Variants in C15orf39 observed in about 807,000 individuals in gnomAD.
C15orf39 encodes the protein PRMT2 interacting protein.
A neutral mutation model predicts 53.9 loss-of-function variants in C15orf39; 24 were observed. That is an observed-to-expected ratio of 0.45 (90% CI 0.32 to 0.63). The LOEUF is 0.63. Ranked by LOEUF, C15orf39 falls within the 20% of genes least tolerant of loss-of-function variation. C15orf39 has a pLI of 0.04. For missense variants in C15orf39, 1,271 were observed against 1,347.9 expected (o/e 0.94, Z 0.89); for synonymous variants, 569 against 576.5 (o/e 0.99, Z 0.19).
chr15:75,211,556 G>A lies in C15orf39; in HGVS notation c.*440G>A, dbSNP rs1317244865. 1.8e-5 allele frequency: 3 copies of A among 162,502 alleles called. No homozygotes were observed. The highest frequency in any genetic ancestry group is 2.4e-5 in the African/African-American group (1 of 41,838). 10.1% of individuals were successfully genotyped at this position (162,502 alleles called of 1,614,324 possible). A position where few individuals can be genotyped will look rare whatever the true frequency, so the allele number is the denominator to read the frequency against. On this transcript the variant is annotated 3_prime_UTR_variant, in exon 3 of 3. Coordinates refer to ENST00000394987, the MANE Select transcript of C15orf39 (RefSeq NM_015492.5). ...TGCTTCCTCTCTGGGACAGGGCCTA[G>A]AATTGGAGGCAGAGAACCTTCCTAT...
Position 75,208,436 on chromosome 15 carries a change from G to A in C15orf39, c.2388G>A (p.Thr796=), listed in dbSNP as rs200565142. 3,009 of 1,605,342 alleles carry A rather than the reference G, an allele frequency of 1.9e-3. 11 individuals carry two copies. Among genetic ancestry groups the A allele is most frequent in the Middle Eastern group, 5.3e-3 (32 of 6,054 alleles). Residue 796 remains threonine (T), a synonymous_variant, in exon 2 of 3, where the codon ACG becomes ACA. Coordinates refer to ENST00000394987, the MANE Select transcript of C15orf39 (RefSeq NM_015492.5). ...AGAAGCTTCGCGAGTGGCTAGAGAC[G>A]GCTGGGCCCTGGGGCCAGGCTGCGT... ...PPEKLREWLE[T]AGPWGQAAWQ... is the part of the protein sequence containing the mutation.
At position 75,201,995 on chromosome 15, in the gene C15orf39, C is replaced by G. The variant is rs1349429123; in HGVS notation, c.-115C>G. The G allele has an allele frequency of 6.6e-6, 1 of 152,108 alleles. No homozygotes were observed. Among genetic ancestry groups the G allele is most frequent in the Non-Finnish European group, 1.5e-5 (1 of 68,040 alleles). 9.4% of individuals were successfully genotyped at this position (152,108 alleles called of 1,614,324 possible). A position where few individuals can be genotyped will look rare whatever the true frequency, so the allele number is the denominator to read the frequency against. On this transcript the variant is annotated 5_prime_UTR_variant, in exon 1 of 3. Transcript: ENST00000394987. The surrounding 1 kb of genome is among the most constrained non-coding windows in gnomAD (Gnocchi z 4.7). ...GGACTAGGACCCGCGGCCTGAGAGA[C>G]GCTGGAGGATGCGGACGCGGAGGCC...
In C15orf39 at chr15:75,206,346, G is replaced by A. The variant is rs2070437970; in HGVS notation, c.298G>A (p.Gly100Ser). 6.2e-7 allele frequency: 1 copy of A among 1,614,100 alleles called. No homozygotes were observed. Among genetic ancestry groups the A allele is most frequent in the African/African-American group, 1.3e-5 (1 of 75,040 alleles). Residue 100 changes from glycine (G) to serine (S), a missense_variant, in exon 2 of 3, where the codon GGC becomes AGC. By Grantham distance (56) the Gly-to-Ser change is moderately conservative. Around this residue, in one of 2 missense-constraint regions of C15orf39, gnomAD observed 994 missense variants for 993.7 expected, o/e 1.00. Coordinates refer to ENST00000394987, the MANE Select transcript of C15orf39 (RefSeq NM_015492.5). ...CCTGTTCTACCGCTCGCCAGCAGAA[G>A]GCCCTGAGAAGATGCAGGACTCCAG... ...NCLFYRSPAE[G>S]PEKMQDSSPV...
In C15orf39 at chr15:75,207,423, G is replaced by A. The variant is rs754878057; in HGVS notation, c.1375G>A (p.Gly459Arg). The A allele has an allele frequency of 6.2e-7, 1 of 1,613,428 alleles. No individual in the cohort carries two copies. Among genetic ancestry groups the A allele is most frequent in the South Asian group, 1.1e-5 (1 of 91,074 alleles). ...KLQPRLSEHS[G>R]PPIVIRDSPV... ...CCAGCCCCGGCTCAGTGAGCACTCT[G>A]GGCCGCCCATCGTCATCCGAGACAG... The change falls in exon 2 of 3, where the codon GGG (glycine) becomes AGG (arginine). Residue 459 changes from glycine (G) to arginine (R), a missense_variant. Around this residue, in one of 2 missense-constraint regions of C15orf39, gnomAD observed 994 missense variants for 993.7 expected, o/e 1.00. Transcript: ENST00000394987.
upstream of C15orf39, among the ~76,000 whole-genome samples, chr15:75,201,319 C>G (rs1301701508): frequency 6.6e-6 from 1 of 152,200 alleles, no homozygotes; most frequent in Non-Finnish European, 1.5e-5. This position sits in a 1 kb window ranked among gnomAD's most constrained non-coding sequence, Gnocchi z 4.7. Flanking sequence ...CCCTCATTCC[C>G]GGCCCTTCCA....
In C15orf39 at chr15:75,207,683, C is replaced by G. The variant is rs1229596156; in HGVS notation, c.1635C>G (p.Asp545Glu). The change falls in exon 2 of 3, where the codon GAC (aspartate) becomes GAG (glutamate). Residue 545 changes from aspartate to glutamate, a missense_variant. Physicochemically the swap from Asp to Glu is conservative, Grantham distance 45. Transcript: ENST00000394987. The part of the protein sequence containing the change: ...DSAPATSEGQ[D>E]KGCRGTLPAQ... ...CCCCAGCCACCAGTGAAGGTCAGGA[C>G]AAAGGCTGCAGGGGGACCCTGCCTG... is the stretch of plus-strand genomic sequence containing the variant. The G allele has an allele frequency of 2.5e-6, 4 of 1,607,608 alleles. No individual in the cohort carries two copies. The highest frequency in any genetic ancestry group is 3.4e-6 in the Non-Finnish European group (4 of 1,176,194).
intron 1 of C15orf39, among the ~76,000 whole-genome samples, chr15:75,203,220 G>T (rs2070416949): frequency 6.6e-6 from 1 of 152,266 alleles, no homozygotes; most frequent in Non-Finnish European, 1.5e-5. Context: ...TGGGAACAGA[G>T]AGCTGTTTCC....
Position 75,211,212 on chromosome 15 carries a change from T to G in C15orf39, c.*96T>G, listed in dbSNP as rs532909206. The stretch of plus-strand genomic sequence containing the variant: ...GGGCCACGAGTGGATGCTGGGGCTG[T>G]GGCTGCTCCCCTGGAGGGGTTCCAT... On this transcript the variant is annotated 3_prime_UTR_variant, in exon 3 of 3. Transcript: ENST00000394987. The G allele has an allele frequency of 9.5e-6, 14 of 1,478,100 alleles. No homozygotes were observed. The East Asian group carries it at 1.6e-4, about 17-fold the overall frequency. The allele number at this position is 1,478,100 out of a possible 1,614,324, so 91.6% of individuals were successfully genotyped here.
At chr15:75,201,839 C>T (rs982019719), upstream of C15orf39, 2 of 151,600 alleles carry the variant, frequency 1.3e-5, no homozygotes, top group Non-Finnish European at 3.0e-5. The surrounding 1 kb of genome is among the most constrained non-coding windows in gnomAD (Gnocchi z 4.7). Context: ...CTGCGAGTCG[C>T]CCCGCCCCCG....
chr15:75,204,547 C>T (rs1164645976), intron 1 of C15orf39, among the ~76,000 whole-genome samples: 1 of 152,054 alleles, frequency 6.6e-6, no homozygotes, highest in African/African-American at 2.4e-5. Flanking sequence ...CACTCTGCTG[C>T]CCAGGCTGGA....
Position 75,207,766 on chromosome 15 carries a change from C to T in C15orf39, c.1718C>T (p.Ala573Val). 4 of 1,610,648 alleles carry T rather than the reference C, an allele frequency of 2.5e-6. No homozygotes were observed. The South Asian group carries it at 3.3e-5, about 13-fold the overall frequency. Residue 573 changes from alanine (A) to valine (V), a missense_variant, in exon 2 of 3, where the codon GCC becomes GTC. Transcript: ENST00000394987. ...PLRGSLKEEVALDLSVRKPTA... is the reference protein window; with the variant it reads ...PLRGSLKEEVVLDLSVRKPTA... ...AGGGGCTCACTTAAGGAGGAGGTAG[C>T]CCTGGATTTGAGTGTGAGGAAGCCC...
chr15:75,210,514 G>T (rs2070475514), intron 2 of C15orf39, among the ~76,000 whole-genome samples: 1 of 152,174 alleles, frequency 6.6e-6, no homozygotes, highest in South Asian at 2.1e-4. Flanking sequence ...TCTCATCCTT[G>T]TACCCAAACA....
At chr15:75,208,924 A>G (rs1484377031) in intron 2 of C15orf39, 100 bp downstream of exon 2, 18 of 1,479,616 alleles carry the variant, frequency 1.2e-5, no homozygotes, top group Non-Finnish European at 1.6e-5. Context: ...AGTGATTCCA[A>G]GGACTCCTGC....
intron 1 of C15orf39, among the ~76,000 whole-genome samples, chr15:75,205,346 G>A (rs1043443779): frequency 6.6e-6 from 1 of 152,126 alleles, no homozygotes; most frequent in Admixed American, 6.6e-5. Flanking sequence ...AGGGGGTGGC[G>A]GCAGGGTATG....
chr15:75,203,511 G>T (rs984061601), intron 1 of C15orf39, among the ~76,000 whole-genome samples: 3 of 152,188 alleles, frequency 2.0e-5, no homozygotes, highest in Non-Finnish European at 4.4e-5. Flanking sequence ...CCTCCTACTG[G>T]CAGGAGATCA....
At position 75,207,288 on chromosome 15, in the gene C15orf39, C is replaced by A. The variant is rs916251928; in HGVS notation, c.1240C>A (p.Gln414Lys). ...VRAVPQPGAF[Q>K]RACQPLPASQ... ...GGCTGTGCCACAGCCTGGTGCCTTC[C>A]AGAGGGCATGCCAGCCTTTGCCAGC... The change falls in exon 2 of 3, where the codon CAG (glutamine) becomes AAG (lysine). Residue 414 changes from glutamine (Q) to lysine (K), a missense_variant. By Grantham distance (53) the Gln-to-Lys change is moderately conservative. Transcript: ENST00000394987. 5.6e-6 allele frequency: 9 copies of A among 1,613,394 alleles called. No individual in the cohort carries two copies. In the African/African-American group the frequency reaches 1.2e-4, roughly 22 times the overall value.
chr15:75,203,115 G>A (rs4886677), intron 1 of C15orf39, among the ~76,000 whole-genome samples: 140,539 of 152,288 alleles, frequency 0.92, 65,607 homozygotes, highest in Non-Finnish European at 1. Flanking sequence ...CCAGCCCTCC[G>A]GGAGAATCCA....
At position 75,211,875 on chromosome 15, in the gene C15orf39, CT is replaced by C. The variant is rs1454112029; in HGVS notation, c.*760del. ...CTTCCCTGAACTGCCTCCCCCACCC[CT>C]GGCATTATCCCAGGAAACTTATGTT... On this transcript the variant is annotated 3_prime_UTR_variant, in exon 3 of 3. Coordinates refer to ENST00000394987, the MANE Select transcript of C15orf39 (RefSeq NM_015492.5). 2 of 152,404 alleles carry C rather than the reference CT, an allele frequency of 1.3e-5. No homozygotes were observed. The highest frequency in any genetic ancestry group is 4.8e-5 in the African/African-American group (2 of 41,462). 9.4% of individuals were successfully genotyped at this position (152,404 alleles called of 1,614,324 possible).
chr15:75,206,862 C>T lies in C15orf39; in HGVS notation c.814C>T (p.Pro272Ser). The T allele has an allele frequency of 1.3e-6, 2 of 1,495,826 alleles. No individual in the cohort carries two copies. The highest frequency in any genetic ancestry group is 1.8e-6 in the Non-Finnish European group (2 of 1,125,876). 92.7% of individuals were successfully genotyped at this position (1,495,826 alleles called of 1,614,324 possible). A position where few individuals can be genotyped will look rare whatever the true frequency, so the allele number is the denominator to read the frequency against. The change falls in exon 2 of 3, where the codon CCC becomes TCC. Residue 272 changes from proline (P) to serine (S), a missense_variant. By Grantham distance (74) the Pro-to-Ser change is moderately conservative (BLOSUM62 -1). Transcript: ENST00000394987. ...CACCGGGCCCACCCACTACCCACCA[C>T]CCCACCACCCACCACCCCACCCTCC... Reference protein sequence around the residue: ...QDTGPTHYPPPHHPPPHPPQA... With the variant: ...QDTGPTHYPPSHHPPPHPPQA...
Sources: gnomAD v4.1 joint callset for allele counts (sites outside exome capture counted in the v4.1 genomes callset) on GRCh38, gnomAD v4.1.1 for gene constraint, gnomAD v4.1.1 regional missense constraint, Gnocchi (gnomAD v3.1) non-coding constraint, MANE v1.5 for transcripts, NCBI Gene and HGNC (gene_info 2026-07-23, HGNC 2026-07-21) for gene names.